Variants in RBM20 observed in about 807,000 individuals in gnomAD.
RBM20 encodes RNA-binding protein 20.
Under a neutral mutation model 110.1 loss-of-function variants are expected in RBM20, and 51 were observed. The observed-to-expected ratio is 0.46, with a 90% CI of 0.37 to 0.59. The LOEUF (loss-of-function observed/expected upper bound fraction) is 0.59, where lower values mean the gene tolerates loss of function less well. Ranked by LOEUF, RBM20 falls within the 20% of genes least tolerant of loss-of-function variation. The pLI, the probability that RBM20 is intolerant of heterozygous loss-of-function variation, is 0.00. For missense variants in RBM20, 1,512 were observed against 1,574.9 expected (o/e 0.96, Z 0.68); for synonymous variants, 589 against 618.2 (o/e 0.95, Z 0.70).
At chr10:110,835,340 T>TTTTTTTTTTTTTTTTTTTTTTC (rs1564669645) in intron 13 of RBM20, 2 of 21,778 alleles carry the variant, frequency 9.2e-5, no homozygotes, top group Non-Finnish European at 1.7e-4. Flanking sequence ...TTTTTTTTTC[T>TTTTTTTTTTTTTTTTTTTTTTC]TTTTTTTTTT....
chr10:110,756,255 A>G (rs1283605696), intron 1 of RBM20, among the ~76,000 whole-genome samples: 1 of 152,248 alleles, frequency 6.6e-6, no homozygotes, highest in African/African-American at 2.4e-5. Context: ...GAAACCTCTG[A>G]TGCTATAATC....
chr10:110,743,515 C>G (rs950068476), intron 1 of RBM20, among the ~76,000 whole-genome samples: 2 of 152,056 alleles, frequency 1.3e-5, no homozygotes, highest in Admixed American at 6.6e-5. Context: ...CTCACCTTCT[C>G]CCAGCCTTCT....
chr10:110,709,661 A>G (rs1307275296), intron 1 of RBM20, among the ~76,000 whole-genome samples: 1 of 149,002 alleles, frequency 6.7e-6, no homozygotes, highest in Non-Finnish European at 1.5e-5. Flanking sequence ...TGAACTCCTG[A>G]GCTCAGGTGA....
chr10:110,726,307 G>A (rs752604507), intron 1 of RBM20, among the ~76,000 whole-genome samples: 1 of 152,168 alleles, frequency 6.6e-6, no homozygotes, highest in African/African-American at 2.4e-5. Context: ...CATCTCTACA[G>A]CATCATATTT....
intron 1 of RBM20, among the ~76,000 whole-genome samples, chr10:110,768,200 G>T (rs112118519): frequency 6.6e-6 from 1 of 152,156 alleles, no homozygotes; most frequent in African/African-American, 2.4e-5. Context: ...GCTTCAGCTC[G>T]GCATCAGAGG....
Position 110,650,305 on chromosome 10 carries a change from G to A in RBM20, c.191+5660G>A, listed in dbSNP as rs148436377. Among the ~76,000 whole-genome samples, 619 of 152,334 alleles carry A rather than the reference G, an allele frequency of 4.1e-3. 4 individuals are homozygous for A. Among genetic ancestry groups the A allele is most frequent in the Non-Finnish European group, 6.1e-3 (418 of 68,042 alleles). ...GCTCCTGATGGATTTTATAAGATAA[G>A]TAAGTCCCCTGATGGTTTCTAAGGC... is the stretch of plus-strand genomic sequence containing the variant. On this transcript the variant is annotated intron_variant, in intron 1 of 13. Transcript: ENST00000369519.
At chr10:110,717,353 T>C (rs1863034668) in intron 1 of RBM20, among the ~76,000 whole-genome samples, 1 of 152,140 alleles carries the variant, frequency 6.6e-6, no homozygotes, top group Non-Finnish European at 1.5e-5. Context: ...CCCCTCCTCC[T>C]CCCTCCTCTC....
chr10:110,720,997 G>T (rs145717500), intron 1 of RBM20, among the ~76,000 whole-genome samples: 3 of 151,962 alleles, frequency 2.0e-5, no homozygotes, highest in African/African-American at 7.3e-5. Context: ...TATGACCTTC[G>T]CTCCCTGCTG....
chr10:110,797,987 G>A (rs190903428), intron 6 of RBM20, among the ~76,000 whole-genome samples: 131 of 152,276 alleles, frequency 8.6e-4, no homozygotes, highest in African/African-American at 3.0e-3. Flanking sequence ...ACCCCCCTGA[G>A]CTAATTATAA....
chr10:110,809,967 C>T (rs577332993), intron 7 of RBM20, among the ~76,000 whole-genome samples: 3 of 152,208 alleles, frequency 2.0e-5, no homozygotes, highest in Non-Finnish European at 2.9e-5. Flanking sequence ...ATATAAAAAG[C>T]GGAGGCTGCA....
intron 12 of RBM20, 136 bp from the exon 13 acceptor site, chr10:110,830,925 C>T (rs1411130234): frequency 1.2e-6 from 1 of 825,400 alleles, no homozygotes; most frequent in African/African-American, 1.7e-5. Flanking sequence ...TGGAGAAGCT[C>T]AGTAACCAGC....
chr10:110,756,609 TCCAGA>T (rs1843925209), intron 1 of RBM20: 1 of 152,230 alleles, frequency 6.6e-6, no homozygotes, highest in African/African-American at 2.4e-5. Flanking sequence ...GACCTTTCTG[TCCAGA>T]GGAGTTCTAT....
chr10:110,675,222 G>A (rs1175235857), intron 1 of RBM20, among the ~76,000 whole-genome samples: 1 of 152,138 alleles, frequency 6.6e-6, no homozygotes, highest in Non-Finnish European at 1.5e-5. Context: ...AGAGCAGGAT[G>A]GGAATAAAGG....
intron 1 of RBM20, among the ~76,000 whole-genome samples, chr10:110,748,180 T>G (rs577257271): frequency 6.6e-6 from 1 of 152,208 alleles, no homozygotes; most frequent in Non-Finnish European, 1.5e-5. Context: ...CGAAAAGGCA[T>G]TTCCTGAGAT....
chr10:110,688,245 A>G (rs143191866), intron 1 of RBM20, among the ~76,000 whole-genome samples: 71 of 152,314 alleles, frequency 4.7e-4, no homozygotes, highest in Middle Eastern at 3.4e-3. Flanking sequence ...AGTATTTGGC[A>G]ACAAAATCTG....
intron 1 of RBM20, among the ~76,000 whole-genome samples, chr10:110,704,749 A>G (rs1862811003): frequency 6.6e-6 from 1 of 152,200 alleles, no homozygotes; most frequent in Non-Finnish European, 1.5e-5. Context: ...GTGCAGGCAA[A>G]TTATAGAAGG....
intron 7 of RBM20, among the ~76,000 whole-genome samples, chr10:110,801,792 G>A (rs545539682): frequency 5.5e-5 from 8 of 146,452 alleles, no homozygotes; most frequent in Non-Finnish European, 1.0e-4. Context: ...TGATCTGCCC[G>A]CCTCAGCCTC....
At chr10:110,737,576 A>T (rs1275241212) in intron 1 of RBM20, among the ~76,000 whole-genome samples, 1 of 151,548 alleles carries the variant, frequency 6.6e-6, no homozygotes, top group Admixed American at 6.6e-5. Flanking sequence ...TCAGCCTCTG[A>T]CGATCTTTAA....
At chr10:110,803,320 T>C (rs1212380203) in intron 7 of RBM20, among the ~76,000 whole-genome samples, 2 of 152,228 alleles carry the variant, frequency 1.3e-5, no homozygotes, top group Admixed American at 6.5e-5. Context: ...TATAGTGTGT[T>C]ATCATGATCT....
Sources: gnomAD v4.1 joint callset for allele counts (sites outside exome capture counted in the v4.1 genomes callset) on GRCh38, gnomAD v4.1.1 for gene constraint, MANE v1.5 for transcripts, NCBI Gene and HGNC (gene_info 2026-07-23, HGNC 2026-07-21) for gene names.